TENM1: variants seen among roughly 807,000 people sequenced by gnomAD.
The protein encoded by TENM1 is teneurin transmembrane protein 1.
Under a neutral mutation model 174.8 loss-of-function variants are expected in TENM1, and 35 were observed. The ratio of observed to expected loss-of-function variants is 0.20; its 90% CI spans 0.15 to 0.27. The LOEUF is 0.27. Ranked by LOEUF, TENM1 falls within the 10% of genes least tolerant of loss-of-function variation. The pLI is 1.00. For synonymous variants in TENM1, 781 were observed against 798.7 expected (o/e 0.98, Z 0.37); for missense variants, 1,633 against 2,130.1 (o/e 0.77, Z 4.59).
chrX:124,977,963 T>TGAGAGA, the TENM1 span, among the ~76,000 whole-genome samples: 1 of 40,647 alleles, frequency 2.5e-5, no homozygotes, highest in Non-Finnish European at 4.8e-5. Flanking sequence ...TGTGTGTGTG[T>TGAGAGA]GTGTGAGAGA....
chrX:125,030,249 C>T, the TENM1 span, among the ~76,000 whole-genome samples: 1,541 of 111,714 alleles, frequency 0.014, 22 homozygotes, highest in African/African-American at 0.047. Flanking sequence ...CGAAGAAGGT[C>T]GGCGTTTAGG....
intron 3 of TENM1, among the ~76,000 whole-genome samples, chrX:124,812,830 C>T (rs2055813947): frequency 9.0e-6 from 1 of 111,322 alleles, no homozygotes; most frequent in Middle Eastern, 4.7e-3. Context: ...ACCACTAGAA[C>T]TTTCTCAACT....
At chrX:124,855,726 A>G (rs2056803481) in intron 3 of TENM1, among the ~76,000 whole-genome samples, 1 of 111,673 alleles carries the variant, frequency 9.0e-6, no homozygotes, top group African/African-American at 3.2e-5. Context: ...GCCCGTCTCT[A>G]TAATTCAGTT....
At chrX:124,858,489 T>C (rs2056853056) in intron 3 of TENM1, among the ~76,000 whole-genome samples, 1 of 111,918 alleles carries the variant, frequency 8.9e-6, no homozygotes, top group South Asian at 3.7e-4. Context: ...GCCATGGTGA[T>C]TGGCTGTCTT....
upstream of TENM1, among the ~76,000 whole-genome samples, chrX:124,968,352 A>G (rs901183378): frequency 8.9e-6 from 1 of 112,056 alleles, no homozygotes; most frequent in South Asian, 3.7e-4. Flanking sequence ...AATTTAAAAA[A>G]GAAAAATGTC....
chrX:124,462,917 C>T (rs2061194922), intron 22 of TENM1, among the ~76,000 whole-genome samples: 1 of 111,661 alleles, frequency 9.0e-6, no homozygotes, highest in Non-Finnish European at 1.9e-5. Flanking sequence ...CTCTAAAGTC[C>T]TTTAAGAGGA....
At chrX:125,051,178 T>C in the TENM1 span, among the ~76,000 whole-genome samples, 4 of 111,310 alleles carry the variant, frequency 3.6e-5, no homozygotes, top group African/African-American at 1.3e-4. Flanking sequence ...TACAAACCAC[T>C]GCTCAAGGAA....
the TENM1 span, among the ~76,000 whole-genome samples, chrX:125,011,370 G>T: frequency 8.9e-6 from 1 of 111,826 alleles, no homozygotes. Flanking sequence ...CACAGCAAAA[G>T]AAACTATCAT....
At chrX:125,201,695 T>C in the TENM1 span, among the ~76,000 whole-genome samples, 1 of 111,989 alleles carries the variant, frequency 8.9e-6, no homozygotes, top group South Asian at 3.7e-4. Flanking sequence ...ATGGATTTAT[T>C]TTAGGAATTA....
intron 3 of TENM1, among the ~76,000 whole-genome samples, chrX:124,830,117 G>A (rs2056257373): frequency 9.0e-6 from 1 of 111,692 alleles, no homozygotes; most frequent in Admixed American, 9.5e-5. Context: ...GCAGGAAGAG[G>A]TGTTTGAGGA....
intron 7 of TENM1, 68 bp downstream of exon 10, chrX:124,653,516 C>T: frequency 1.1e-6 from 1 of 929,370 alleles, no homozygotes; most frequent in Non-Finnish European, 1.5e-6. Flanking sequence ...TCATAAGTCA[C>T]AAACCCTGAA....
chrX:124,905,733 G>A (rs2057737896), intron 1 of TENM1, among the ~76,000 whole-genome samples: 1 of 111,705 alleles, frequency 9.0e-6, no homozygotes, highest in African/African-American at 3.3e-5. Context: ...GCAGTACGGA[G>A]TACCAGAGAG....
intron 3 of TENM1, among the ~76,000 whole-genome samples, chrX:124,797,946 G>A (rs1197795069): frequency 9.0e-6 from 1 of 111,017 alleles, no homozygotes; most frequent in African/African-American, 3.3e-5. Flanking sequence ...AACATGCAGT[G>A]TTTGGTTTTC....
intron 3 of TENM1, among the ~76,000 whole-genome samples, chrX:124,843,884 G>A (rs962506790): frequency 2.7e-5 from 3 of 111,584 alleles, no homozygotes; most frequent in Admixed American, 9.5e-5. Flanking sequence ...GTTTAACTGC[G>A]TTGAGGTTTT....
the TENM1 span, among the ~76,000 whole-genome samples, chrX:125,084,414 C>T: frequency 1.3e-4 from 14 of 110,862 alleles, no homozygotes; most frequent in Admixed American, 5.8e-4. Context: ...CTTAGACTGG[C>T]AGCTCAGCTG....
chrX:124,812,548 T>G (rs899691055), intron 3 of TENM1, among the ~76,000 whole-genome samples: 1 of 111,188 alleles, frequency 9.0e-6, no homozygotes. Flanking sequence ...TATAAATCAC[T>G]TTTGGGAAAA....
Position 124,471,430 on chromosome X carries a change from AT to A in TENM1, c.3949+10301del, listed in dbSNP as rs1270595253. ...TATAATATATAGTAATATATTATAT[AT>A]TATATAATATATAGTACTATATATA... On this transcript the variant is annotated intron_variant, in intron 22 of 31. Coordinates refer to ENST00000422452, the Ensembl canonical transcript of TENM1. Among the ~76,000 whole-genome samples the A allele has an allele frequency of 1.5e-4, 9 of 58,922 alleles. 1 individual carries two copies. The highest frequency in any genetic ancestry group is 6.5e-4 in the Admixed American group (2 of 3,086). 51.2% of individuals were successfully genotyped at this position (58,922 alleles called of 115,157 possible).
intron 5 of TENM1, among the ~76,000 whole-genome samples, chrX:124,672,299 G>T (rs1033816290): frequency 1.8e-5 from 2 of 111,621 alleles, no homozygotes; most frequent in Non-Finnish European, 3.8e-5. Context: ...TATGAATAAA[G>T]CCCTATGATA....
chrX:125,032,342 G>A, the TENM1 span, among the ~76,000 whole-genome samples: 27 of 110,092 alleles, frequency 2.5e-4, no homozygotes, highest in African/African-American at 8.9e-4. Context: ...GCTAATTTTT[G>A]TATTTTTAGT....
Sources: gnomAD v4.1 joint callset for allele counts (sites outside exome capture counted in the v4.1 genomes callset) on GRCh38, gnomAD v4.1.1 for gene constraint, MANE v1.5 for transcripts, NCBI Gene and HGNC (gene_info 2026-07-23, HGNC 2026-07-21) for gene names.